WFDC3: variants seen among roughly 807,000 people sequenced by gnomAD.
The protein encoded by WFDC3 is WAP four-disulfide core domain protein 3.
A neutral mutation model predicts 25.8 loss-of-function variants in WFDC3; 15 were observed. That is an observed-to-expected ratio of 0.58 (90% CI 0.39 to 0.89). The LOEUF is 0.89. WFDC3 is among the 40% of genes least tolerant of loss of function. WFDC3 has a pLI of 0.00. For missense variants in WFDC3, 264 were observed against 289.8 expected (o/e 0.91, Z 0.65); for synonymous variants, 103 against 107.1 (o/e 0.96, Z 0.24).
At chr20:45,783,140 G>C (rs1452822767) in intron 4 of WFDC3, among the ~76,000 whole-genome samples, 2 of 152,158 alleles carry the variant, frequency 1.3e-5, no homozygotes, top group South Asian at 2.1e-4. Flanking sequence ...CCACATGCCA[G>C]GTAGGGTAGC....
At position 45,777,189 on chromosome 20, in the gene WFDC3, G is replaced by C; in HGVS notation, c.379C>G (p.Pro127Ala). ...TCCTCACACGGAAGGGGGTCAGCGG[G>C]ACATTCACCACCAAACTCTGCTACA... ...QKLAEFGGEC[P>A]ADPLPCEELC... The change falls in exon 5 of 7, where the codon CCC becomes GCC. Residue 127 changes from proline (P) to alanine (A), a missense_variant. Transcript: ENST00000243938. 2 of 1,574,652 alleles carry C rather than the reference G, an allele frequency of 1.3e-6. No individual in the cohort carries two copies. Among genetic ancestry groups the C allele is most frequent in the Non-Finnish European group, 1.7e-6 (2 of 1,160,564 alleles).
chr20:45,787,282 C>CTTTTTTTTTT (rs1158318114), intron 4 of WFDC3, among the ~76,000 whole-genome samples: 6 of 73,676 alleles, frequency 8.1e-5, no homozygotes, highest in East Asian at 4.0e-4. Flanking sequence ...TTTCTTTTTT[C>CTTTTTTTTTT]TTTTTTTTTT....
chr20:45,787,490 G>C lies in WFDC3; in HGVS notation c.358+346C>G, dbSNP rs572556800. Among the ~76,000 whole-genome samples the C allele has an allele frequency of 2.6e-5, 4 of 151,358 alleles. No homozygotes were observed. The South Asian group carries it at 8.3e-4, about 32-fold the overall frequency. ...GTATTTTTAGTAGAGACGGAGTTTC[G>C]CCGTGTTAGCCAGGATGGTCTCGAT... On this transcript the variant is annotated intron_variant, in intron 4 of 6. Transcript: ENST00000243938.
chr20:45,776,654 A>ATGTG (rs1375221343), intron 5 of WFDC3, among the ~76,000 whole-genome samples: 6 of 111,342 alleles, frequency 5.4e-5, no homozygotes, highest in East Asian at 2.7e-4. Flanking sequence ...ATATATATAT[A>ATGTG]TATATATGTG....
intron 5 of WFDC3, 77 bp from the exon 6 acceptor site, chr20:45,775,679 C>T (rs1601009429): frequency 1.3e-6 from 2 of 1,569,270 alleles, no homozygotes; most frequent in East Asian, 4.5e-5. Flanking sequence ...TGAACTTACA[C>T]ACAGAGGCTC....
Position 45,774,250 on chromosome 20 carries a change from C to T in WFDC3, c.*178G>A. On this transcript the variant is annotated 3_prime_UTR_variant, in exon 7 of 7. Transcript: ENST00000243938. ...TTTATCGGGAAAGAGAAGCACCACA[C>T]ACCCACTACCCAATCCAGGGCTATT... 4 of 784,444 alleles carry T rather than the reference C, an allele frequency of 5.1e-6. No individual in the cohort carries two copies. Among genetic ancestry groups the T allele is most frequent in the Non-Finnish European group, 8.4e-6 (4 of 474,388 alleles). The allele number at this position is 784,444 out of a possible 1,614,324, so 48.6% of individuals were successfully genotyped here.
intron 4 of WFDC3, among the ~76,000 whole-genome samples, chr20:45,786,815 C>A (rs937825573): frequency 1.3e-5 from 2 of 152,084 alleles, no homozygotes; most frequent in African/African-American, 2.4e-5. Context: ...CAGGAGCAGG[C>A]CAGGCATGGT....
intron 5 of WFDC3, among the ~76,000 whole-genome samples, chr20:45,776,321 T>TGTGTGTGTGTGTGTATG (rs1980151592): frequency 6.7e-6 from 1 of 149,006 alleles, no homozygotes; most frequent in Non-Finnish European, 1.5e-5. Context: ...TGTGTGTGTG[T>TGTGTGTGTGTGTGTATG]TTCCAGCTGG....
Position 45,778,990 on chromosome 20 carries a change from G to A in WFDC3, c.359-1781C>T, listed in dbSNP as rs528620663. 2.6e-5 allele frequency among the ~76,000 whole-genome samples: 4 copies of A among 152,258 alleles called. No individual in the cohort carries two copies. In the South Asian group the frequency reaches 8.3e-4, roughly 32 times the overall value. On this transcript the variant is annotated intron_variant, in intron 4 of 6. Transcript: ENST00000243938. ...CCCTATATGATTAATTTTCTGTTGTGTGCAGCCAAACACATTTCCTATGAA... is the reference window on the plus strand; with the variant it reads ...CCCTATATGATTAATTTTCTGTTGTATGCAGCCAAACACATTTCCTATGAA...
At chr20:45,785,631 A>G (rs376389919) in intron 4 of WFDC3, among the ~76,000 whole-genome samples, 1 of 152,156 alleles carries the variant, frequency 6.6e-6, no homozygotes, top group East Asian at 1.9e-4. Flanking sequence ...AAAAATAGAT[A>G]ATATTATAAT....
chr20:45,776,660 A>ATGTGTGTGTGTG lies in WFDC3; in HGVS notation c.493+403_493+414dup, dbSNP rs1555812785. ...AATATATATATATATATATATATAT[A>ATGTGTGTGTGTG]TGTGTGTGTGTGTTTCCAACTAAGA... On this transcript the variant is annotated intron_variant, in intron 5 of 6. Transcript: ENST00000243938. Among the ~76,000 whole-genome samples, 352 of 93,048 alleles carry ATGTGTGTGTGTG rather than the reference A, an allele frequency of 3.8e-3. 5 individuals carry two copies. The highest frequency in any genetic ancestry group is 0.012 in the African/African-American group (278 of 22,746). 61.0% of individuals were successfully genotyped at this position (93,048 alleles called of 152,430 possible).
Position 45,777,225 on chromosome 20 carries a change from A to T in WFDC3, c.359-16T>A. 6.6e-7 allele frequency: 1 copy of T among 1,504,724 alleles called. No homozygotes were observed. Among genetic ancestry groups the T allele is most frequent in the South Asian group, 1.4e-5 (1 of 73,846 alleles). 93.2% of individuals were successfully genotyped at this position (1,504,724 alleles called of 1,614,324 possible). ...CCAAACTCTGCTACATAATCAAAGC[A>T]TTGGAGCCCAGAGACGCTCACAATA... On this transcript the variant is annotated splice_polypyrimidine_tract_variant and intron_variant, in intron 4 of 6. Transcript: ENST00000243938.
In WFDC3 at chr20:45,774,384, A is replaced by G; in HGVS notation, c.*44T>C. 6.2e-7 allele frequency: 1 copy of G among 1,614,002 alleles called. No homozygotes were observed. The highest frequency in any genetic ancestry group is 8.5e-7 in the Non-Finnish European group (1 of 1,179,950). ...GTCACCCTCTCTTGACTGCCAGGAAAAGCTTCCAGAATTACCAAAGAAGCT... is the reference window on the plus strand; with the variant it reads ...GTCACCCTCTCTTGACTGCCAGGAAGAGCTTCCAGAATTACCAAAGAAGCT... On this transcript the variant is annotated 3_prime_UTR_variant, in exon 7 of 7. Coordinates refer to ENST00000243938, the MANE Select transcript of WFDC3 (RefSeq NM_080614.2).
chr20:45,790,113 C>G, intron 1 of WFDC3, 131 bp from the exon 2 acceptor site: 1 of 615,934 alleles, frequency 1.6e-6, no homozygotes. Context: ...CAATACTCCC[C>G]AAGAATATCT....
At chr20:45,785,613 G>A (rs774926881) in intron 4 of WFDC3, among the ~76,000 whole-genome samples, 4 of 151,954 alleles carry the variant, frequency 2.6e-5, no homozygotes, top group Non-Finnish European at 5.9e-5. Context: ...ATTTGGGAAT[G>A]ATGGAAGAAA....
rs748264311 is a variant in WFDC3, at chr20:45,787,915, C to G, written c.279G>C (p.Glu93Asp). ...QSCLKRCITD[E>D]TCPGVKKCCT... is the part of the protein sequence containing the mutation. The stretch of plus-strand genomic sequence containing the variant: ...AGCATTTCTTTACACCTGGACATGT[C>G]TCATCAGTGATGCACCTTTTCAAAC... Residue 93 changes from glutamate to aspartate, a missense_variant, in exon 4 of 7, where the codon GAG becomes GAC. Coordinates refer to ENST00000243938, the MANE Select transcript of WFDC3 (RefSeq NM_080614.2). The G allele has an allele frequency of 6.2e-7, 1 of 1,614,120 alleles. No homozygotes were observed. The highest frequency in any genetic ancestry group is 8.5e-7 in the Non-Finnish European group (1 of 1,180,018).
At chr20:45,786,496 A>G (rs1158898001) in intron 4 of WFDC3, among the ~76,000 whole-genome samples, 1 of 152,182 alleles carries the variant, frequency 6.6e-6, no homozygotes, top group Non-Finnish European at 1.5e-5. Context: ...TTATATATTT[A>G]TTTACATGCT....
intron 4 of WFDC3, among the ~76,000 whole-genome samples, chr20:45,785,383 T>C (rs1250266695): frequency 6.7e-6 from 1 of 148,630 alleles, no homozygotes; most frequent in Non-Finnish European, 1.5e-5. Flanking sequence ...CGCACAAGAA[T>C]GACTTGAATG....
At chr20:45,789,088 TA>T (rs778505032) in intron 2 of WFDC3, 29 bp from the exon 3 acceptor site, 2 of 1,610,386 alleles carry the variant, frequency 1.2e-6, no homozygotes, top group Non-Finnish European at 1.7e-6. Flanking sequence ...GAGTTTGGGG[TA>T]ACTAGCCAGG....
Sources: gnomAD v4.1 joint callset for allele counts (sites outside exome capture counted in the v4.1 genomes callset) on GRCh38, gnomAD v4.1.1 for gene constraint, MANE v1.5 for transcripts, NCBI Gene and HGNC (gene_info 2026-07-23, HGNC 2026-07-21) for gene names.